RANBP1: variants seen among roughly 807,000 people sequenced by gnomAD.
RANBP1 encodes the protein ran-specific GTPase-activating protein.
Under a neutral mutation model 31.4 loss-of-function variants are expected in RANBP1, and 16 were observed. That is an observed-to-expected ratio of 0.51 (90% confidence interval 0.34 to 0.77). The LOEUF is 0.77. Ranked by LOEUF, RANBP1 falls within the 30% of genes least tolerant of loss-of-function variation. The probability of loss-of-function intolerance (pLI) is 0.01; values close to 1 mark genes in which losing one functional copy is unlikely to be tolerated. For synonymous variants in RANBP1, 129 were observed against 140.5 expected (o/e 0.92, Z 0.58); for missense variants, 265 against 362.0 (o/e 0.73, Z 2.17).
At position 20,116,392 on chromosome 22, in the gene RANBP1, C is replaced by A; in HGVS notation, c.208C>A (p.Arg70=). Residue 70 remains arginine (R), a synonymous_variant, in exon 1 of 6, where the codon CGA becomes AGA. Coordinates refer to ENST00000430524, the MANE Select transcript of RANBP1 (RefSeq NM_001278639.2). ...KRRTSLKLAW[R]GTFCSSSLKI... ...CCGGACGTCGCTGAAGCTGGCGTGG[C>A]GAGGCACGTTCTGCAGCTCCAGTTT... The A allele has an allele frequency of 6.2e-7, 1 of 1,611,814 alleles. No individual in the cohort carries two copies. Among genetic ancestry groups the A allele is most frequent in the Non-Finnish European group, 8.5e-7 (1 of 1,179,014 alleles).
Position 20,126,353 on chromosome 22 carries a change from G to C in RANBP1, c.721G>C (p.Glu241Gln). The C allele has an allele frequency of 6.2e-7, 1 of 1,614,034 alleles. No homozygotes were observed. Among genetic ancestry groups the C allele is most frequent in the Non-Finnish European group, 8.5e-7 (1 of 1,180,014 alleles). ...KFEECRKEIE[E>Q]REKKAGSGKN... ...TGAAGAATGCAGGAAAGAGATCGAA[G>C]AGAGAGAAAAGAAAGGTGACGTGGT... is the stretch of plus-strand genomic sequence containing the variant. The change falls in exon 5 of 6, where the codon GAG becomes CAG. Residue 241 changes from glutamate (E) to glutamine (Q), a missense_variant. Glu to Gln is a conservative substitution (Grantham distance 29). Coordinates refer to ENST00000430524, the MANE Select transcript of RANBP1 (RefSeq NM_001278639.2).
Position 20,116,167 on chromosome 22 carries a change from T to C in RANBP1, c.-18T>C. On this transcript the variant is annotated 5_prime_UTR_variant, in exon 1 of 6. Coordinates refer to ENST00000430524, the MANE Select transcript of RANBP1 (RefSeq NM_001278639.2). Reference sequence around the variant, plus strand: ...TACTGGTGGCTCACTCTCACCCTCCTGTCGCCTCCTCCTGGCCATGGGGTC... The same window carrying C: ...TACTGGTGGCTCACTCTCACCCTCCCGTCGCCTCCTCCTGGCCATGGGGTC... The C allele has an allele frequency of 6.2e-7, 1 of 1,613,112 alleles. No individual in the cohort carries two copies. Among genetic ancestry groups the C allele is most frequent in the South Asian group, 1.1e-5 (1 of 91,070 alleles).
At chr22:20,116,809 T>C in intron 1 of RANBP1, 1 of 1,468,864 alleles carries the variant, frequency 6.8e-7, no homozygotes, top group Non-Finnish European at 9.3e-7. Flanking sequence ...ACCTATTCTC[T>C]GGCAGGTTTC....
At chr22:20,122,206 G>C (rs755006157) in intron 2 of RANBP1, 58 bp from the exon 3 acceptor site, 1 of 1,579,662 alleles carries the variant, frequency 6.3e-7, no homozygotes, top group Admixed American at 1.7e-5. Context: ...GTCCTCCTGC[G>C]CAGGCCCTGC....
rs202065505 is a variant in RANBP1 at position 20,116,260 on chromosome 22, A to G, written c.76A>G (p.Arg26Gly). Residue 26 changes from arginine to glycine, a missense_variant, in exon 1 of 6, where the codon AGG (arginine) becomes GGG (glycine). This residue lies in a region of RANBP1 where 126 missense variants were observed against 123.6 expected (regional missense o/e 1.02). Transcript: ENST00000430524. ...CCAGAGGGCACCATGCAAAACGCGC[A>G]GGGCCTTGTCCCTCTCTGCAGCGCT... ...PFQRAPCKTRRALSLSAALRN... is the reference protein window; with the variant it reads ...PFQRAPCKTRGALSLSAALRN... 1.9e-6 allele frequency: 3 copies of G among 1,612,842 alleles called. No homozygotes were observed. The African/African-American group carries it at 4.0e-5, about 22-fold the overall frequency.
At chr22:20,126,578 T>G in intron 5 of RANBP1, 1 of 1,545,550 alleles carries the variant, frequency 6.5e-7, no homozygotes, top group African/African-American at 1.4e-5. Flanking sequence ...TCAGTCCAAT[T>G]GGGCAGGCAT....
chr22:20,116,518 T>TCCAGGGCTG, intron 1 of RANBP1, 88 bp downstream of exon 1: 1 of 1,611,168 alleles, frequency 6.2e-7, no homozygotes, highest in Non-Finnish European at 8.5e-7. Flanking sequence ...CTCCACCTCC[T>TCCAGGGCTG]CCAGGGCTGC....
intron 1 of RANBP1, among the ~76,000 whole-genome samples, chr22:20,118,570 C>T (rs1291166503): frequency 2.6e-5 from 4 of 152,222 alleles, no homozygotes; most frequent in Non-Finnish European, 4.4e-5. Flanking sequence ...TTACATTTTG[C>T]TTTAAAGTAA....
chr22:20,116,834 CT>C, intron 1 of RANBP1: 4 of 1,534,896 alleles, frequency 2.6e-6, no homozygotes, highest in Non-Finnish European at 3.6e-6. Flanking sequence ...CCCACCCCGC[CT>C]CCTCCCACCC....
intron 4 of RANBP1, 78 bp downstream of exon 4, chr22:20,125,514 G>GGTCTGGGGGGGTTTGGTGT: frequency 6.5e-7 from 1 of 1,549,060 alleles, no homozygotes. Context: ...TGCAACAAAT[G>GGTCTGGGGGGGTTTGGTGT]CTGTTGCCTT....
chr22:20,116,403 C>T lies in RANBP1; in HGVS notation c.219C>T (p.Phe73=). The part of the protein sequence containing the change: ...TSLKLAWRGT[F]CSSSLKISED... The stretch of plus-strand genomic sequence containing the variant: ...TGAAGCTGGCGTGGCGAGGCACGTT[C>T]TGCAGCTCCAGTTTAAAGATCTCAG... Residue 73 remains phenylalanine (F), a synonymous_variant, in exon 1 of 6, where the codon TTC becomes TTT. Coordinates refer to ENST00000430524, the MANE Select transcript of RANBP1 (RefSeq NM_001278639.2). 1 of 1,611,858 alleles carries T rather than the reference C, an allele frequency of 6.2e-7. No homozygotes were observed. The highest frequency in any genetic ancestry group is 8.5e-7 in the Non-Finnish European group (1 of 1,179,022).
chr22:20,118,554 A>G (rs1330259695), intron 1 of RANBP1, among the ~76,000 whole-genome samples: 1 of 152,262 alleles, frequency 6.6e-6, no homozygotes, highest in Non-Finnish European at 1.5e-5. Context: ...GTCAAAACTG[A>G]AAGAGTTACA....
At position 20,116,333 on chromosome 22, in the gene RANBP1, T is replaced by C; in HGVS notation, c.149T>C (p.Leu50Ser). The change falls in exon 1 of 6, where the codon TTG becomes TCG. Residue 50 changes from leucine (L) to serine (S), a missense_variant. Coordinates refer to ENST00000430524, the MANE Select transcript of RANBP1 (RefSeq NM_001278639.2). ...GGTGGTTGCCCAAAGAGTTTGGTTT[T>C]GTGGGGCTGCAGACCAAAGCGGCCC... is the stretch of plus-strand genomic sequence containing the variant. Reference protein sequence around the residue: ...AQGGCPKSLVLWGCRPKRPRK... With the variant: ...AQGGCPKSLVSWGCRPKRPRK... 6.2e-7 allele frequency: 1 copy of C among 1,612,958 alleles called. No homozygotes were observed. Among genetic ancestry groups the C allele is most frequent in the Non-Finnish European group, 8.5e-7 (1 of 1,180,000 alleles).
At chr22:20,116,882 C>G in intron 1 of RANBP1, 1 of 1,542,202 alleles carries the variant, frequency 6.5e-7, no homozygotes, top group Admixed American at 1.7e-5. Context: ...CCGCACTCTA[C>G]CTCGTTGTCG....
chr22:20,125,688 G>C, intron 4 of RANBP1: 8 of 1,363,734 alleles, frequency 5.9e-6, no homozygotes, highest in South Asian at 1.5e-5. Context: ...CCGCCTTGTG[G>C]CTGGCACTTT....
At position 20,127,203 on chromosome 22, in the gene RANBP1, T is replaced by G. The variant is rs116197803; in HGVS notation, c.*151T>G. ...ACTCAACATTCAGGTTGTTTTTTTT[T>G]TTTGTTTCTAAGTTTTTGCCCTATT... On this transcript the variant is annotated 3_prime_UTR_variant, in exon 6 of 6. Transcript: ENST00000430524. 0.032 allele frequency: 19,230 copies of G among 601,560 alleles called. 564 individuals are homozygous for G. The highest frequency in any genetic ancestry group is 0.039 in the Non-Finnish European group (14,536 of 373,790). The allele number at this position is 601,560 out of a possible 1,614,324, so 37.3% of individuals were successfully genotyped here.
intron 1 of RANBP1, 84 bp from the exon 2 acceptor site, chr22:20,118,929 G>T: frequency 2.1e-6 from 3 of 1,424,126 alleles, no homozygotes; most frequent in East Asian, 2.3e-5. Flanking sequence ...ATTGTCGGAG[G>T]GCTGACCACT....
chr22:20,120,755 G>T (rs1232855757), intron 2 of RANBP1, among the ~76,000 whole-genome samples: 4 of 152,182 alleles, frequency 2.6e-5, no homozygotes, highest in Non-Finnish European at 5.9e-5. Flanking sequence ...CAGATGACCC[G>T]CCCGCCTCAG....
rs2050113360 is a variant in RANBP1 at position 20,118,896 on chromosome 22, A to G, written c.247-117A>G. On this transcript the variant is annotated intron_variant, in intron 1 of 5. Coordinates refer to ENST00000430524, the MANE Select transcript of RANBP1 (RefSeq NM_001278639.2). ...AATTTCTTGCTTTGGGGTTGGGCCC[A>G]TCCTTGTATCTGAAGTCCCTTCATT... The G allele has an allele frequency of 1.6e-5, 17 of 1,095,374 alleles. No individual in the cohort carries two copies. The South Asian group carries it at 2.7e-4, about 17-fold the overall frequency. 67.9% of individuals were successfully genotyped at this position (1,095,374 alleles called of 1,614,324 possible). A position where few individuals can be genotyped will look rare whatever the true frequency, so the allele number is the denominator to read the frequency against.
Sources: gnomAD v4.1 joint callset for allele counts (sites outside exome capture counted in the v4.1 genomes callset) on GRCh38, gnomAD v4.1.1 for gene constraint, gnomAD v4.1.1 regional missense constraint, MANE v1.5 for transcripts, NCBI Gene and HGNC (gene_info 2026-07-23, HGNC 2026-07-21) for gene names.